SNX30: variants seen among roughly 807,000 people sequenced by gnomAD.
SNX30 encodes the protein sorting nexin-30.
SNX30 carries 24 observed loss-of-function variants against 46.4 expected under a neutral mutation model. That is an observed-to-expected ratio of 0.52 (90% confidence interval 0.37 to 0.73). SNX30 has a LOEUF of 0.73. Among genes scored for constraint, SNX30 ranks in the 30% least tolerant of loss-of-function variants. The pLI is 0.00. For synonymous variants in SNX30, 189 were observed against 211.5 expected (o/e 0.89, Z 0.92); for missense variants, 533 against 555.7 (o/e 0.96, Z 0.41).
At chr9:112,775,533 A>G (rs367809009) in intron 1 of SNX30, among the ~76,000 whole-genome samples, 1 of 69,092 alleles carries the variant, frequency 1.4e-5, no homozygotes. Flanking sequence ...TGTCCTTTTT[A>G]TTTTAAATTT....
At chr9:112,768,699 T>C (rs191186930) in intron 1 of SNX30, among the ~76,000 whole-genome samples, 1 of 138,574 alleles carries the variant, frequency 7.2e-6, no homozygotes, top group Non-Finnish European at 1.5e-5. Context: ...TCTTGTCGCT[T>C]AGGCTAGAGT....
intron 7 of SNX30, among the ~76,000 whole-genome samples, chr9:112,854,383 G>T (rs1344520526): frequency 6.6e-6 from 1 of 152,150 alleles, no homozygotes; most frequent in East Asian, 1.9e-4. Context: ...CGCCTTCCTG[G>T]ACACTACTTA....
chr9:112,845,169 C>CA (rs1198955212), intron 6 of SNX30, among the ~76,000 whole-genome samples: 1 of 152,080 alleles, frequency 6.6e-6, no homozygotes, highest in African/African-American at 2.4e-5. Context: ...TAAACTTCAC[C>CA]AAAATGACAC....
At chr9:112,768,766 C>T (rs930419789) in intron 1 of SNX30, among the ~76,000 whole-genome samples, 8 of 149,538 alleles carry the variant, frequency 5.3e-5, no homozygotes, top group Non-Finnish European at 8.9e-5. Flanking sequence ...AAGTGATTCT[C>T]CTGCCTCAGC....
chr9:112,877,098 T>G (rs1181541398), downstream of SNX30: 1 of 152,000 alleles, frequency 6.6e-6, no homozygotes, highest in Non-Finnish European at 1.5e-5. Context: ...CCCAGAATTT[T>G]CATTTCTAAC....
chr9:112,857,571 C>T (rs1028276412), intron 7 of SNX30, among the ~76,000 whole-genome samples: 16 of 152,182 alleles, frequency 1.1e-4, no homozygotes, highest in Non-Finnish European at 2.4e-4. Flanking sequence ...CAGCCACGAG[C>T]TCCCCTTTCC....
chr9:112,867,772 C>G (rs1338618919), intron 8 of SNX30, among the ~76,000 whole-genome samples: 3 of 149,114 alleles, frequency 2.0e-5, no homozygotes. Flanking sequence ...TCCCCCAAAC[C>G]CCTCCTGCCT....
In SNX30 at chr9:112,758,552, C is replaced by T. The variant is rs114842641; in HGVS notation, c.156+7395C>T. ...GCCATGTTGGCCAGGCTGGTCTTGA[C>T]GCCTGGCTAATTTTTGTGTTTTTGG... is the stretch of plus-strand genomic sequence containing the variant. On this transcript the variant is annotated intron_variant, in intron 1 of 8. Coordinates refer to ENST00000374232, the MANE Select transcript of SNX30 (RefSeq NM_001012994.2). Among the ~76,000 whole-genome samples the T allele has an allele frequency of 5.9e-3, 890 of 151,788 alleles. 10 individuals are homozygous for T. Among genetic ancestry groups the T allele is most frequent in the African/African-American group, 0.021 (852 of 41,428 alleles).
In SNX30 at chr9:112,869,152, C is replaced by T. The variant is rs1265172814; in HGVS notation, c.*309C>T. 394 of 320,842 alleles carry T rather than the reference C, an allele frequency of 1.2e-3. 5 individuals are homozygous for T. The highest frequency in any genetic ancestry group is 7.7e-3 in the African/African-American group (370 of 48,144). 19.9% of individuals were successfully genotyped at this position (320,842 alleles called of 1,614,324 possible). A position where few individuals can be genotyped will look rare whatever the true frequency, so the allele number is the denominator to read the frequency against. On this transcript the variant is annotated 3_prime_UTR_variant, in exon 9 of 9. Coordinates refer to ENST00000374232, the MANE Select transcript of SNX30 (RefSeq NM_001012994.2). ...GACAAGACAACCTGCAGCTGACGCT[C>T]TGACATTTCATGACAGTTTCCTCTT...
intron 6 of SNX30, among the ~76,000 whole-genome samples, chr9:112,848,281 T>A (rs1262330929): frequency 6.6e-6 from 1 of 152,010 alleles, no homozygotes; most frequent in Non-Finnish European, 1.5e-5. Context: ...GGCTCGGGCC[T>A]CATCTGACAG....
intron 1 of SNX30, among the ~76,000 whole-genome samples, chr9:112,788,717 C>G (rs570768981): frequency 3.9e-5 from 6 of 152,230 alleles, no homozygotes; most frequent in African/African-American, 1.4e-4. Flanking sequence ...GAATGCCTTC[C>G]TTAGGTTTAT....
intron 5 of SNX30, among the ~76,000 whole-genome samples, chr9:112,836,791 A>G (rs773773684): frequency 2.6e-5 from 4 of 152,254 alleles, no homozygotes; most frequent in Non-Finnish European, 5.9e-5. Context: ...GATGGTTCAG[A>G]AAGATAGCAT....
chr9:112,825,824 T>C (rs1401398983), intron 3 of SNX30, among the ~76,000 whole-genome samples: 1 of 152,180 alleles, frequency 6.6e-6, no homozygotes, highest in Non-Finnish European at 1.5e-5. Flanking sequence ...CAGATTCCTA[T>C]GTGTAAACAA....
chr9:112,879,734 T>C (rs757930338), downstream of SNX30: 4 of 1,605,204 alleles, frequency 2.5e-6, no homozygotes, highest in Admixed American at 1.7e-5. Context: ...CCATGGCTGA[T>C]GTTTTCAGTT....
chr9:112,783,815 G>C (rs760431114), intron 1 of SNX30, among the ~76,000 whole-genome samples: 2 of 152,158 alleles, frequency 1.3e-5, no homozygotes, highest in African/African-American at 4.8e-5. Context: ...TGGAAAAAAC[G>C]GTTTGAATCA....
chr9:112,774,145 A>C (rs1839699051), intron 1 of SNX30, among the ~76,000 whole-genome samples: 1 of 152,200 alleles, frequency 6.6e-6, no homozygotes. Flanking sequence ...CTGCTAGCCA[A>C]ATCCCCACTG....
chr9:112,758,810 A>C (rs1309445454), intron 1 of SNX30, among the ~76,000 whole-genome samples: 2 of 152,058 alleles, frequency 1.3e-5, no homozygotes, highest in East Asian at 3.9e-4. Context: ...CAGGAGTTTG[A>C]GACCAGCCTG....
chr9:112,785,062 G>A (rs1839900549), intron 1 of SNX30, among the ~76,000 whole-genome samples: 1 of 152,176 alleles, frequency 6.6e-6, no homozygotes, highest in South Asian at 2.1e-4. Context: ...TAAAACTCCT[G>A]TGTGTTGGAA....
At chr9:112,817,881 C>T in intron 3 of SNX30, 66 bp downstream of exon 3, 2 of 1,013,370 alleles carry the variant, frequency 2.0e-6, no homozygotes, top group Non-Finnish European at 3.2e-6. Flanking sequence ...AAGGGGTTCA[C>T]TCAACTCTCA....
Sources: allele counts gnomAD v4.1 joint callset (sites outside exome capture counted in the v4.1 genomes callset), GRCh38; gene constraint gnomAD v4.1.1; transcripts MANE v1.5; gene names NCBI Gene and HGNC (gene_info 2026-07-23, HGNC 2026-07-21).